Variants in CERS6 observed in about 807,000 individuals in gnomAD.
CERS6 encodes the protein LAG1 homolog, ceramide synthase 6.
In CERS6, 26 loss-of-function variants were observed where a neutral mutation model predicts 56.8. That is an observed-to-expected ratio of 0.46 (90% CI 0.34 to 0.63). The LOEUF (loss-of-function observed/expected upper bound fraction) is 0.63, where lower values mean the gene tolerates loss of function less well. Ranked by LOEUF, CERS6 falls within the 30% of genes least tolerant of loss-of-function variation. The pLI is 0.01. For missense variants in CERS6, 415 were observed against 467.5 expected, an observed-to-expected ratio of 0.89 and a Z score of 1.04; for synonymous variants, 164 against 173.3, an observed-to-expected ratio of 0.95 and a Z score of 0.42.
At chr2:168,762,109 A>G (rs1684598734) in intron 8 of CERS6, among the ~76,000 whole-genome samples, 1 of 152,124 alleles carries the variant, frequency 6.6e-6, no homozygotes, top group African/African-American at 2.4e-5. Context: ...CCACCATGGC[A>G]CATGTATACC....
intron 4 of CERS6, among the ~76,000 whole-genome samples, chr2:168,675,611 GACA>G (rs372631025): frequency 4.0e-4 from 61 of 151,706 alleles, no homozygotes; most frequent in Non-Finnish European, 4.9e-4. Flanking sequence ...AAAAACCAAG[GACA>G]ACAACAACAA....
intron 3 of CERS6, among the ~76,000 whole-genome samples, chr2:168,624,955 A>G (rs1211453199): frequency 1.3e-5 from 2 of 152,160 alleles, no homozygotes; most frequent in South Asian, 2.1e-4. Flanking sequence ...GTTCCTAAAT[A>G]TATTCTGCTC....
intron 4 of CERS6, among the ~76,000 whole-genome samples, chr2:168,689,712 G>A (rs1408387873): frequency 6.6e-6 from 1 of 152,116 alleles, no homozygotes. Flanking sequence ...GTGTTGAACA[G>A]GGAGCAAAAG....
intron 5 of CERS6, among the ~76,000 whole-genome samples, chr2:168,693,091 G>C (rs1196517189): frequency 6.6e-6 from 1 of 152,078 alleles, no homozygotes; most frequent in Non-Finnish European, 1.5e-5. Context: ...AAAATAATGT[G>C]AAGTTGCATT....
intron 4 of CERS6, among the ~76,000 whole-genome samples, chr2:168,639,634 T>G (rs1002234942): frequency 2.2e-4 from 34 of 152,116 alleles, no homozygotes; most frequent in African/African-American, 8.0e-4. Flanking sequence ...CCAGTGTTCT[T>G]TCCCAGCAGG....
At chr2:168,768,709 C>T (rs944042922) in intron 9 of CERS6, among the ~76,000 whole-genome samples, 2 of 151,706 alleles carry the variant, frequency 1.3e-5, no homozygotes. Flanking sequence ...AGTTCCAGAC[C>T]AGCCTGGCCA....
At chr2:168,648,767 A>T (rs1685267748) in intron 4 of CERS6, among the ~76,000 whole-genome samples, 2 of 151,888 alleles carry the variant, frequency 1.3e-5, no homozygotes, top group South Asian at 4.2e-4. Context: ...TTTCTGCCTT[A>T]ATTTCTTTAT....
intron 6 of CERS6, among the ~76,000 whole-genome samples, chr2:168,696,917 A>G (rs1686663160): frequency 6.6e-6 from 1 of 152,216 alleles, no homozygotes; most frequent in African/African-American, 2.4e-5. Flanking sequence ...CATCGTGGGA[A>G]TCAGTAAGTT....
At chr2:168,721,641 C>T (rs570875184) in intron 8 of CERS6, among the ~76,000 whole-genome samples, 40 of 141,046 alleles carry the variant, frequency 2.8e-4, no homozygotes, top group African/African-American at 9.8e-4. Context: ...AAAAAACCAA[C>T]GGGGTCTTGC....
intron 3 of CERS6, among the ~76,000 whole-genome samples, chr2:168,612,097 C>T (rs559797893): frequency 8.5e-5 from 13 of 152,290 alleles, no homozygotes; most frequent in African/African-American, 3.1e-4. Context: ...ACATACTTTA[C>T]AAGTATTGCC....
chr2:168,645,142 TAGAGAGAGAGAGAGAGAG>T (rs35865470), intron 4 of CERS6, among the ~76,000 whole-genome samples: 208 of 12,752 alleles, frequency 0.016, 6 homozygotes, highest in African/African-American at 0.026. Context: ...TATATATATA[TAGAGAGAGAGAGAGAGAG>T]AGAGAGAGAG....
At chr2:168,762,046 C>A (rs1465209925) in intron 8 of CERS6, among the ~76,000 whole-genome samples, 1 of 151,972 alleles carries the variant, frequency 6.6e-6, no homozygotes, top group East Asian at 1.9e-4. Context: ...AGGACAAATA[C>A]CTAGTACATG....
intron 3 of CERS6, among the ~76,000 whole-genome samples, chr2:168,586,258 G>A (rs1023035051): frequency 6.7e-6 from 1 of 150,208 alleles, no homozygotes; most frequent in Non-Finnish European, 1.5e-5. Context: ...GTGTAGTGCT[G>A]TCTTTTAGAT....
intron 1 of CERS6, among the ~76,000 whole-genome samples, chr2:168,516,411 A>G (rs954490442): frequency 5.3e-5 from 8 of 152,212 alleles, no homozygotes; most frequent in Admixed American, 3.3e-4. Flanking sequence ...ATAAATTACA[A>G]TAGTGGCTGC....
chr2:168,711,588 G>A (rs113006771), intron 6 of CERS6, among the ~76,000 whole-genome samples: 7,760 of 152,006 alleles, frequency 0.051, 276 homozygotes, highest in Middle Eastern at 0.099. Flanking sequence ...ACAAAAATTA[G>A]CTGGGCGTGG....
At chr2:168,622,150 A>G (rs368847431) in intron 3 of CERS6, among the ~76,000 whole-genome samples, 6 of 152,302 alleles carry the variant, frequency 3.9e-5, no homozygotes, top group South Asian at 2.1e-4. Context: ...AAAGCTCCCC[A>G]TATACCCTAG....
At position 168,554,437 on chromosome 2, in the gene CERS6, G is replaced by A. The variant is rs149678508; in HGVS notation, c.276+6736G>A. On this transcript the variant is annotated intron_variant, in intron 2 of 9. Transcript: ENST00000305747. ...TTAGTCAAAATGGGATTATTATGGTGGGTCCTAATCCAATATGCCGGGTGT... is the reference window on the plus strand; with the variant it reads ...TTAGTCAAAATGGGATTATTATGGTAGGTCCTAATCCAATATGCCGGGTGT... Among the ~76,000 whole-genome samples, 644 of 152,282 alleles carry A rather than the reference G, an allele frequency of 4.2e-3. 4 individuals are homozygous for A. The highest frequency in any genetic ancestry group is 0.017 in the Middle Eastern group (5 of 294).
At chr2:168,596,551 C>T (rs1199899534) in intron 3 of CERS6, among the ~76,000 whole-genome samples, 5 of 136,378 alleles carry the variant, frequency 3.7e-5, no homozygotes, top group Non-Finnish European at 6.1e-5. Flanking sequence ...CCCCATCCCC[C>T]CCCCTTTTTT....
intron 1 of CERS6, among the ~76,000 whole-genome samples, chr2:168,519,334 A>G (rs1694937957): frequency 6.6e-6 from 1 of 152,184 alleles, no homozygotes; most frequent in South Asian, 2.1e-4. Flanking sequence ...GTCTTAAATA[A>G]AAAAGCAATA....
Sources: allele counts gnomAD v4.1 joint callset (sites outside exome capture counted in the v4.1 genomes callset), GRCh38; gene constraint gnomAD v4.1.1; transcripts MANE v1.5; gene names NCBI Gene and HGNC (gene_info 2026-07-23, HGNC 2026-07-21).